Variants in DIRAS2 observed in about 807,000 individuals in gnomAD.
DIRAS2 encodes DIRAS family GTPase 2.
A neutral mutation model predicts 13.9 loss-of-function variants in DIRAS2; 5 were observed. That is an observed-to-expected ratio of 0.36 (90% CI 0.19 to 0.76). The LOEUF (loss-of-function observed/expected upper bound fraction) is 0.76. DIRAS2 is among the 30% of genes least tolerant of loss of function. The pLI is 0.53. For synonymous variants in DIRAS2, 111 were observed against 105.4 expected, an observed-to-expected ratio of 1.05 and a Z score of -0.33; for missense variants, 191 against 263.0, an observed-to-expected ratio of 0.73 and a Z score of 1.89.
chr9:90,640,366 T>G (rs1192955276), intron 1 of DIRAS2, among the ~76,000 whole-genome samples: 1 of 152,218 alleles, frequency 6.6e-6, no homozygotes, highest in East Asian at 1.9e-4. Flanking sequence ...CATAGAGTCC[T>G]TCCCCGTCAG....
At chr9:90,637,440 T>G (rs1292938465) in intron 1 of DIRAS2, among the ~76,000 whole-genome samples, 3 of 152,210 alleles carry the variant, frequency 2.0e-5, no homozygotes, top group Non-Finnish European at 4.4e-5. Flanking sequence ...AAACGGTAGG[T>G]ACACTTCAAA....
chr9:90,628,912 T>C (rs1255752896), intron 1 of DIRAS2, among the ~76,000 whole-genome samples: 2 of 151,978 alleles, frequency 1.3e-5, no homozygotes, highest in South Asian at 2.1e-4. Flanking sequence ...TGGAGTGCAG[T>C]GGCGCAATCT....
chr9:90,622,037 A>C (rs993177616), intron 1 of DIRAS2, among the ~76,000 whole-genome samples: 67 of 152,188 alleles, frequency 4.4e-4, no homozygotes, highest in Non-Finnish European at 1.5e-4. Flanking sequence ...GGATTGCTTG[A>C]GGTCAGGAGT....
At chr9:90,616,557 G>T (rs1331153981) in intron 1 of DIRAS2, among the ~76,000 whole-genome samples, 1 of 152,096 alleles carries the variant, frequency 6.6e-6, no homozygotes, top group Non-Finnish European at 1.5e-5. Flanking sequence ...AGTTGAAGGG[G>T]TATAAAGTTC....
chr9:90,639,668 A>T (rs1825401309), intron 1 of DIRAS2, among the ~76,000 whole-genome samples: 1 of 152,228 alleles, frequency 6.6e-6, no homozygotes, highest in Admixed American at 6.5e-5. Context: ...TTTCTGCCAC[A>T]ATAAACCCCT....
chr9:90,627,174 C>T (rs1825277723), intron 1 of DIRAS2, among the ~76,000 whole-genome samples: 2 of 152,116 alleles, frequency 1.3e-5, no homozygotes, highest in East Asian at 1.9e-4. Flanking sequence ...TGTCTTCTGC[C>T]GTGATTGTAC....
At chr9:90,637,252 T>G (rs967737991) in intron 1 of DIRAS2, among the ~76,000 whole-genome samples, 1 of 152,218 alleles carries the variant, frequency 6.6e-6, no homozygotes, top group East Asian at 1.9e-4. Context: ...TTAGTATATA[T>G]AGAGCCAGAT....
chr9:90,636,284 C>T (rs931771859), intron 1 of DIRAS2, among the ~76,000 whole-genome samples: 4 of 151,946 alleles, frequency 2.6e-5, no homozygotes, highest in Admixed American at 1.3e-4. Context: ...GTGATCCACC[C>T]GCCTTGGCCT....
chr9:90,639,970 C>CTGTGCTGGACAAAAT (rs1825404314), intron 1 of DIRAS2, among the ~76,000 whole-genome samples: 1 of 152,170 alleles, frequency 6.6e-6, no homozygotes, highest in Non-Finnish European at 1.5e-5. Context: ...AATACAGTAG[C>CTGTGCTGGACAAAAT]CATCAGCTGT....
At chr9:90,627,515 G>A (rs1356958383) in intron 1 of DIRAS2, among the ~76,000 whole-genome samples, 3 of 152,214 alleles carry the variant, frequency 2.0e-5, no homozygotes, top group African/African-American at 4.8e-5. Flanking sequence ...GTTGCCAGGG[G>A]CTAAGGGAAT....
intron 1 of DIRAS2, among the ~76,000 whole-genome samples, chr9:90,620,509 C>A (rs926719450): frequency 6.6e-6 from 1 of 152,160 alleles, no homozygotes; most frequent in African/African-American, 2.4e-5. Context: ...GTAATCCCAA[C>A]ATTTTGGGAG....
intron 1 of DIRAS2, among the ~76,000 whole-genome samples, chr9:90,626,376 G>A (rs1825269017): frequency 6.6e-6 from 1 of 151,480 alleles, no homozygotes; most frequent in Non-Finnish European, 1.5e-5. Flanking sequence ...AGAGACTGAG[G>A]CAGGAAGATG....
chr9:90,622,642 T>A (rs1825230579), intron 1 of DIRAS2, among the ~76,000 whole-genome samples: 1 of 152,216 alleles, frequency 6.6e-6, no homozygotes. Flanking sequence ...AAGTTCAAAT[T>A]CTTTCTTCTT....
chr9:90,617,137 G>A (rs1171533628), intron 1 of DIRAS2, among the ~76,000 whole-genome samples: 1 of 152,212 alleles, frequency 6.6e-6, no homozygotes, highest in African/African-American at 2.4e-5. Context: ...GTGTAAACTG[G>A]CATCCAGGAG....
intron 1 of DIRAS2, among the ~76,000 whole-genome samples, chr9:90,622,050 G>A (rs368870618): frequency 9.2e-5 from 14 of 152,216 alleles, no homozygotes; most frequent in African/African-American, 3.1e-4. Flanking sequence ...TCAGGAGTTC[G>A]AGATCAGCCT....
intron 1 of DIRAS2, among the ~76,000 whole-genome samples, chr9:90,615,586 T>C (rs1825161787): frequency 6.6e-6 from 1 of 152,228 alleles, no homozygotes; most frequent in African/African-American, 2.4e-5. Context: ...TATAACAGAA[T>C]ACCTCAGATG....
At position 90,612,641 on chromosome 9, in the gene DIRAS2, TC is replaced by T. The variant is rs1825125166; in HGVS notation, c.*586del. 1 of 154,872 alleles carries T rather than the reference TC, an allele frequency of 6.5e-6. No individual in the cohort carries two copies. The highest frequency in any genetic ancestry group is 2.0e-4 in the South Asian group (1 of 4,940). 9.6% of individuals were successfully genotyped at this position (154,872 alleles called of 1,614,324 possible). ...ACTAGGTCTAGGTAAGGTGAACACA[TC>T]CCCTCAGGGTAGCAAGGCTCCTAAC... On this transcript the variant is annotated 3_prime_UTR_variant, in exon 2 of 2. Coordinates refer to ENST00000375765, the MANE Select transcript of DIRAS2 (RefSeq NM_017594.5).
chr9:90,640,518 T>C (rs1282190883), intron 1 of DIRAS2, among the ~76,000 whole-genome samples: 1 of 152,214 alleles, frequency 6.6e-6, no homozygotes, highest in Admixed American at 6.5e-5. Flanking sequence ...TTTGACAACA[T>C]AAGAACCATC....
intron 1 of DIRAS2, among the ~76,000 whole-genome samples, chr9:90,640,404 A>C (rs760663356): frequency 6.6e-6 from 1 of 152,258 alleles, no homozygotes; most frequent in Non-Finnish European, 1.5e-5. Flanking sequence ...GCCATGTCAT[A>C]TAATGAAAAC....
Sources: gnomAD v4.1 joint callset for allele counts (sites outside exome capture counted in the v4.1 genomes callset) on GRCh38, gnomAD v4.1.1 for gene constraint, MANE v1.5 for transcripts, NCBI Gene and HGNC (gene_info 2026-07-23, HGNC 2026-07-21) for gene names.